The following RABGEF1 variants were observed in gnomAD, a reference collection of about 807,000 sequenced individuals.
RABGEF1 encodes rab5 GDP/GTP exchange factor.
In RABGEF1, 26 loss-of-function variants were observed where a neutral mutation model predicts 57.3. The observed-to-expected ratio is 0.45, with a 90% confidence interval of 0.33 to 0.63. The LOEUF (loss-of-function observed/expected upper bound fraction) is 0.63. Among genes scored for constraint, RABGEF1 ranks in the 20% least tolerant of loss-of-function variants. The probability of loss-of-function intolerance (pLI) is 0.02; values close to 1 mark genes in which losing one functional copy is unlikely to be tolerated. For synonymous variants in RABGEF1, 185 were observed against 210.7 expected (o/e 0.88, Z 1.06); for missense variants, 464 against 607.6 (o/e 0.76, Z 2.48).
chr7:66,710,857 T>C (rs1245301220), intron 1 of RABGEF1, among the ~76,000 whole-genome samples: 3 of 152,048 alleles, frequency 2.0e-5, no homozygotes, highest in African/African-American at 7.2e-5. Flanking sequence ...TCGCACCATT[T>C]TGGGAGGCCA....
intron 3 of RABGEF1, among the ~76,000 whole-genome samples, chr7:66,778,376 T>C (rs1413640249): frequency 6.6e-6 from 1 of 152,220 alleles, no homozygotes; most frequent in Non-Finnish European, 1.5e-5. Flanking sequence ...GTAAATGGAA[T>C]GTCTTGACTG....
At chr7:66,791,741 TA>T (rs796851408) in intron 4 of RABGEF1, among the ~76,000 whole-genome samples, 3 of 152,352 alleles carry the variant, frequency 2.0e-5, no homozygotes, top group African/African-American at 7.2e-5. Flanking sequence ...TGTTCAAAGA[TA>T]GACATCCACT....
intron 2 of RABGEF1, among the ~76,000 whole-genome samples, chr7:66,718,293 T>C (rs1347710444): frequency 1.3e-5 from 2 of 152,112 alleles, no homozygotes; most frequent in Admixed American, 6.6e-5. Context: ...TGCAGTGAGC[T>C]GAGAACATGC....
At chr7:66,766,270 C>T (rs902501805) in intron 1 of RABGEF1, among the ~76,000 whole-genome samples, 9 of 149,642 alleles carry the variant, frequency 6.0e-5, no homozygotes, top group South Asian at 2.1e-4. Flanking sequence ...GATCACGCCA[C>T]TGCACTCTAG....
Position 66,766,751 on chromosome 7 carries a change from G to A in RABGEF1, c.-17-5132G>A, listed in dbSNP as rs141682149. ...TTTATTTATTTATTTTCGAGACAGG[G>A]TTTCACTCTGTTGCGCAGGCTGGAG... On this transcript the variant is annotated intron_variant, in intron 1 of 8. Transcript: ENST00000284957. 3.1e-3 allele frequency among the ~76,000 whole-genome samples: 452 copies of A among 146,730 alleles called. 4 individuals are homozygous for A. Among genetic ancestry groups the A allele is most frequent in the African/African-American group, 0.011 (433 of 38,360 alleles).
upstream of RABGEF1, among the ~76,000 whole-genome samples, chr7:66,738,030 T>G (rs12698545): frequency 0.17 from 24,316 of 146,802 alleles, 2,272 homozygotes; most frequent in East Asian, 0.38. Context: ...TTTGTTTTTT[T>G]TTTTTTTTGA....
chr7:66,743,980 A>G lies in RABGEF1; in HGVS notation c.-18+3188A>G, dbSNP rs184964107. On this transcript the variant is annotated intron_variant, in intron 1 of 8. Transcript: ENST00000284957. ...TTACACACAGGCTGCTATGTAGCTG[A>G]TAAGGATAAATGTTTTCAGTGTAGT... Among the ~76,000 whole-genome samples the G allele has an allele frequency of 2.6e-5, 4 of 152,142 alleles. No homozygotes were observed. In the East Asian group the frequency reaches 7.7e-4, roughly 29 times the overall value.
chr7:66,753,701 GT>G (rs1224800315), intron 1 of RABGEF1, among the ~76,000 whole-genome samples: 5,527 of 78,332 alleles, frequency 0.071, 36 homozygotes, highest in Middle Eastern at 0.086. Context: ...TTTTGCCATC[GT>G]TTTTTTTTTT....
intron 1 of RABGEF1, among the ~76,000 whole-genome samples, chr7:66,692,048 C>T (rs1356100765): frequency 6.6e-6 from 1 of 151,452 alleles, no homozygotes; most frequent in Admixed American, 6.6e-5. Context: ...CAAAGCAAGA[C>T]CCTGTTTTCT....
intron 1 of RABGEF1, among the ~76,000 whole-genome samples, chr7:66,765,601 C>T (rs551949696): frequency 3.1e-4 from 47 of 152,292 alleles, no homozygotes; most frequent in African/African-American, 1.1e-3. Flanking sequence ...CGTACAGGAC[C>T]TTCTACTTTT....
At chr7:66,786,162 G>C (rs770792639) in intron 4 of RABGEF1, among the ~76,000 whole-genome samples, 8 of 152,166 alleles carry the variant, frequency 5.3e-5, no homozygotes, top group Non-Finnish European at 1.0e-4. Context: ...TCCAAGCCCT[G>C]TATATGCCGG....
chr7:66,728,062 G>C (rs1427283545), intron 2 of RABGEF1, among the ~76,000 whole-genome samples: 1 of 152,122 alleles, frequency 6.6e-6, no homozygotes, highest in African/African-American at 2.4e-5. Flanking sequence ...CAGACCCTCT[G>C]CCTGGCCCTG....
upstream of RABGEF1, among the ~76,000 whole-genome samples, chr7:66,739,181 C>G (rs1167840025): frequency 1.3e-5 from 2 of 151,844 alleles, no homozygotes; most frequent in East Asian, 2.0e-4. Context: ...AACTCCCGAC[C>G]TCAGGTGATC....
the RABGEF1 span, among the ~76,000 whole-genome samples, chr7:66,675,135 T>G: frequency 1.3e-5 from 2 of 152,150 alleles, no homozygotes; most frequent in Non-Finnish European, 2.9e-5. Context: ...TTATGAGGTT[T>G]TATTATTTTC....
intron 1 of RABGEF1, among the ~76,000 whole-genome samples, chr7:66,683,326 A>G (rs1790076200): frequency 6.6e-6 from 1 of 152,212 alleles, no homozygotes; most frequent in Admixed American, 6.6e-5. Context: ...GAAACTTGCC[A>G]GAGATGCAAG....
rs11770153 is a variant in RABGEF1, at chr7:66,697,069, G to A, written c.-873+14811G>A. Among the ~76,000 whole-genome samples, 982 of 152,292 alleles carry A rather than the reference G, an allele frequency of 6.4e-3. 3 individuals carry two copies. The highest frequency in any genetic ancestry group is 1.0e-2 in the Non-Finnish European group (678 of 68,016). ...CAGGGGACCCTACTGCTGGGCACAGGTCCATCTTCCCTCTGTGTCAACCAG... is the reference window on the plus strand; with the variant it reads ...CAGGGGACCCTACTGCTGGGCACAGATCCATCTTCCCTCTGTGTCAACCAG... On this transcript the variant is annotated intron_variant and NMD_transcript_variant, in intron 1 of 9. Coordinates refer to the RABGEF1 transcript ENST00000607882.
chr7:66,766,790 T>A (rs1158195332), intron 1 of RABGEF1, among the ~76,000 whole-genome samples: 1 of 151,960 alleles, frequency 6.6e-6, no homozygotes, highest in African/African-American at 2.4e-5. Flanking sequence ...AGTGGTGCGA[T>A]CTCGGCTTAC....
chr7:66,698,092 C>T (rs1584740880), intron 1 of RABGEF1, among the ~76,000 whole-genome samples: 1 of 151,416 alleles, frequency 6.6e-6, no homozygotes, highest in East Asian at 2.0e-4. Flanking sequence ...TTCCCCATCA[C>T]AGCCACGCAC....
intron 8 of RABGEF1, among the ~76,000 whole-genome samples, chr7:66,807,539 A>G (rs1196796276): frequency 6.6e-6 from 1 of 151,988 alleles, no homozygotes; most frequent in Admixed American, 6.6e-5. Flanking sequence ...GCTGTCACTC[A>G]CTGTGCAGTG....
Sources: allele counts gnomAD v4.1 joint callset (sites outside exome capture counted in the v4.1 genomes callset), GRCh38; gene constraint gnomAD v4.1.1; transcripts MANE v1.5; gene names NCBI Gene and HGNC (gene_info 2026-07-23, HGNC 2026-07-21).